Variants in SMARCA2 observed in about 807,000 individuals in gnomAD.
SMARCA2 encodes SWI/SNF related BAF chromatin remodeling complex subunit ATPase 2, also known as SWI/SNF-related matrix-associated actin-dependent regulator of chromatin subfamily A member 2.
Under a neutral mutation model 199.8 loss-of-function variants are expected in SMARCA2, and 61 were observed. That is an observed-to-expected ratio of 0.31 (90% CI 0.25 to 0.38). The LOEUF (loss-of-function observed/expected upper bound fraction) is 0.38, where lower values mean the gene tolerates loss of function less well. Among genes scored for constraint, SMARCA2 ranks in the 10% least tolerant of loss-of-function variants. The pLI, the probability that SMARCA2 is intolerant of heterozygous loss-of-function variation, is 1.00. For synonymous variants in SMARCA2, 935 were observed against 732.0 expected, an observed-to-expected ratio of 1.28 and a Z score of -4.48; for missense variants, 1,344 against 2,012.2, an observed-to-expected ratio of 0.67 and a Z score of 6.35.
At chr9:2,153,386 C>T (rs1590410) in intron 27 of SMARCA2, among the ~76,000 whole-genome samples, 13 of 151,748 alleles carry the variant, frequency 8.6e-5, no homozygotes, top group Admixed American at 6.6e-5. Context: ...AAAAGAAAAT[C>T]GCCAGGCATG....
At chr9:2,079,337 G>A (rs575719705) in intron 14 of SMARCA2, among the ~76,000 whole-genome samples, 5 of 152,224 alleles carry the variant, frequency 3.3e-5, no homozygotes, top group South Asian at 2.1e-4. Context: ...TAAGACTAGC[G>A]TCTTCTAGAA....
At chr9:2,084,780 G>GA (rs780042521) in intron 17 of SMARCA2, among the ~76,000 whole-genome samples, 50 of 152,116 alleles carry the variant, frequency 3.3e-4, no homozygotes, top group Non-Finnish European at 6.3e-4. Context: ...TTGAAACTGA[G>GA]AAAGAGGTGT....
At chr9:2,113,967 G>C (rs1416502875) in intron 24 of SMARCA2, among the ~76,000 whole-genome samples, 1 of 152,168 alleles carries the variant, frequency 6.6e-6, no homozygotes, top group Non-Finnish European at 1.5e-5. Flanking sequence ...CAGCCTTCTG[G>C]TGAGAACAGT....
Position 2,073,623 on chromosome 9 carries a change from G to A in SMARCA2, c.1935G>A (p.Glu645=). The A allele has an allele frequency of 6.2e-7, 1 of 1,604,024 alleles. No individual in the cohort carries two copies. Among genetic ancestry groups the A allele is most frequent in the Non-Finnish European group, 8.5e-7 (1 of 1,170,920 alleles). ...AGAGTGATTCTGATTATGAGGAAGA[G>A]GTATGTATGTATCTCTGTTTGGGGT... ...SEESDSDYEE[E]DEEEESSRQE... The change falls in exon 12 of 34, where the codon GAG becomes GAA. Residue 645 remains glutamate, a splice_region_variant and synonymous_variant. Transcript: ENST00000349721.
chr9:2,095,528 A>G (rs1261074482), intron 19 of SMARCA2, among the ~76,000 whole-genome samples: 1 of 152,246 alleles, frequency 6.6e-6, no homozygotes, highest in African/African-American at 2.4e-5. Flanking sequence ...CAAGAAGGTC[A>G]TTAAAGACTA....
intron 5 of SMARCA2, among the ~76,000 whole-genome samples, chr9:2,050,374 G>GGCACACTTTTGA (rs1355263098): frequency 1.4e-5 from 2 of 143,662 alleles, no homozygotes; most frequent in Non-Finnish European, 3.0e-5. Flanking sequence ...CCTTCTCATT[G>GGCACACTTTTGA]TGCCTAACTT....
intron 24 of SMARCA2, among the ~76,000 whole-genome samples, chr9:2,111,048 T>C (rs969433998): frequency 2.7e-5 from 4 of 149,472 alleles, no homozygotes; most frequent in Non-Finnish European, 4.5e-5. Context: ...GATGTTTTGT[T>C]TTTTTTTTTT....
chr9:2,132,207 A>T (rs80164786), intron 27 of SMARCA2, among the ~76,000 whole-genome samples: 1 of 152,214 alleles, frequency 6.6e-6, no homozygotes, highest in African/African-American at 2.4e-5. Context: ...TTGAAATTCT[A>T]TGGAAATACA....
At position 2,086,465 on chromosome 9, in the gene SMARCA2, A is replaced by G. The variant is rs769250085; in HGVS notation, c.2527-364A>G. Among the ~76,000 whole-genome samples the G allele has an allele frequency of 1.3e-5, 2 of 152,252 alleles. No individual in the cohort carries two copies. Among genetic ancestry groups the G allele is most frequent in the South Asian group, 2.1e-4 (1 of 4,834 alleles). ...TGTCATGAGCTGAAATAGCATGACC[A>G]TGAAATCTGGGATAGCTGTCATGAT... On this transcript the variant is annotated intron_variant, in intron 17 of 33. Coordinates refer to ENST00000349721, the MANE Select transcript of SMARCA2 (RefSeq NM_003070.5). This position sits in a 1 kb window ranked among gnomAD's most constrained non-coding sequence, Gnocchi z 4.3.
chr9:2,158,729 A>T lies in SMARCA2; in HGVS notation c.3982-2957A>T, dbSNP rs12000657. ...GAGCCAGTTTAGTAAATAATTTTTT[A>T]AAATAAAAGAACAGTTTAAAATCTC... On this transcript the variant is annotated intron_variant, in intron 27 of 33. Coordinates refer to ENST00000349721, the MANE Select transcript of SMARCA2 (RefSeq NM_003070.5). 1,865 of 427,310 alleles carry T rather than the reference A, an allele frequency of 4.4e-3. 32 individuals are homozygous for T. The highest frequency in any genetic ancestry group is 0.033 in the African/African-American group (1,622 of 49,178). 26.5% of individuals were successfully genotyped at this position (427,310 alleles called of 1,614,324 possible).
rs1165002850 is a variant in SMARCA2, at chr9:2,117,188, A to T, written c.3684+1139A>T. Among the ~76,000 whole-genome samples the T allele has an allele frequency of 6.7e-5, 10 of 148,458 alleles. No individual in the cohort carries two copies. The East Asian group carries it at 1.4e-3, about 21-fold the overall frequency. ...CGTTGTTAAGCCAGAGACTGTCTGT[A>T]TATTTTTTTTTTCTAAAATGAATCT... is the stretch of plus-strand genomic sequence containing the variant. On this transcript the variant is annotated intron_variant, in intron 25 of 33. Transcript: ENST00000349721.
intron 14 of SMARCA2, among the ~76,000 whole-genome samples, chr9:2,079,096 T>C (rs1404264274): frequency 6.6e-6 from 1 of 152,172 alleles, no homozygotes; most frequent in Non-Finnish European, 1.5e-5. Flanking sequence ...ATAATAGGCA[T>C]AACCCTGGAC....
At position 2,102,744 on chromosome 9, in the gene SMARCA2, A is replaced by G. The variant is rs562887493; in HGVS notation, c.3125+1128A>G. Among the ~76,000 whole-genome samples the G allele has an allele frequency of 4.6e-5, 7 of 152,242 alleles. No individual in the cohort carries two copies. In the South Asian group the frequency reaches 1.5e-3, roughly 32 times the overall value. On this transcript the variant is annotated intron_variant, in intron 22 of 33. Transcript: ENST00000349721. The stretch of plus-strand genomic sequence containing the variant: ...CAAGACTCTTGTCCTCCCCCAGTCC[A>G]TTCTTACATGACGTCCATAGTGATC...
intron 27 of SMARCA2, among the ~76,000 whole-genome samples, chr9:2,131,365 G>A (rs973734654): frequency 7.2e-5 from 11 of 152,172 alleles, no homozygotes; most frequent in African/African-American, 2.4e-4. Flanking sequence ...AGCTCCTGGC[G>A]ATGAGGGAAG....
chr9:2,093,080 A>G (rs1822129953), intron 19 of SMARCA2, among the ~76,000 whole-genome samples: 1 of 152,196 alleles, frequency 6.6e-6, no homozygotes, highest in Admixed American at 6.5e-5. Flanking sequence ...GGGAGGCACA[A>G]TATACCAGAA....
At chr9:2,092,940 G>A (rs1387096091) in intron 19 of SMARCA2, among the ~76,000 whole-genome samples, 1 of 152,166 alleles carries the variant, frequency 6.6e-6, no homozygotes, top group Non-Finnish European at 1.5e-5. Flanking sequence ...GAGTTGGCAC[G>A]ATTATTATAA....
Position 2,039,247 on chromosome 9 carries a change from A to G in SMARCA2, c.356-219A>G, listed in dbSNP as rs1419029756. ...AACTTTACCTGCTTTTTTTTTTTTTAACACTTTAAAGTGGCTACCAGAAAA... is the reference window on the plus strand; with the variant it reads ...AACTTTACCTGCTTTTTTTTTTTTTGACACTTTAAAGTGGCTACCAGAAAA... On this transcript the variant is annotated intron_variant, in intron 3 of 33. Transcript: ENST00000349721. This position sits in a 1 kb window ranked among gnomAD's most constrained non-coding sequence, Gnocchi z 4.8. Among the ~76,000 whole-genome samples the G allele has an allele frequency of 1.3e-5, 2 of 148,234 alleles. No individual in the cohort carries two copies. Among genetic ancestry groups the G allele is most frequent in the Non-Finnish European group, 3.0e-5 (2 of 66,908 alleles).
intron 27 of SMARCA2, among the ~76,000 whole-genome samples, chr9:2,154,874 T>C (rs1825265328): frequency 6.6e-6 from 1 of 152,216 alleles, no homozygotes; most frequent in Admixed American, 6.5e-5. Context: ...CCCAGGCCCT[T>C]CTGAGGAGCC....
chr9:2,103,304 T>C (rs1019469236), intron 22 of SMARCA2, among the ~76,000 whole-genome samples: 1 of 152,200 alleles, frequency 6.6e-6, no homozygotes, highest in East Asian at 1.9e-4. Context: ...TGAGTGTGGC[T>C]GTGTTCTGAT....
Sources: gnomAD v4.1 joint callset for allele counts (sites outside exome capture counted in the v4.1 genomes callset) on GRCh38, gnomAD v4.1.1 for gene constraint, Gnocchi (gnomAD v3.1) non-coding constraint, MANE v1.5 for transcripts, NCBI Gene and HGNC (gene_info 2026-07-23, HGNC 2026-07-21) for gene names.